Variants in CDKAL1 observed in about 807,000 individuals in gnomAD.
The protein encoded by CDKAL1 is CDKAL1 threonylcarbamoyladenosine tRNA methylthiotransferase, also known as threonylcarbamoyladenosine tRNA methylthiotransferase.
Under a neutral mutation model 68.2 loss-of-function variants are expected in CDKAL1, and 32 were observed. That is an observed-to-expected ratio of 0.47 (90% CI 0.35 to 0.63). CDKAL1 has a LOEUF of 0.63. Ranked by LOEUF, CDKAL1 falls within the 30% of genes least tolerant of loss-of-function variation. The probability of loss-of-function intolerance (pLI) is 0.00; values close to 1 mark genes in which losing one functional copy is unlikely to be tolerated. For missense variants in CDKAL1, 606 were observed against 696.7 expected (o/e 0.87, Z 1.47); for synonymous variants, 234 against 244.3 (o/e 0.96, Z 0.39).
At chr6:20,756,911 CCTTCCT>C (rs1774229075) in intron 6 of CDKAL1, 1 of 126,490 alleles carries the variant, frequency 7.9e-6, no homozygotes, top group African/African-American at 3.3e-5. Context: ...TTCCTTCCTT[CCTTCCT>C]TCCTTCCCTC....
intron 13 of CDKAL1, among the ~76,000 whole-genome samples, chr6:21,127,681 C>T (rs1039430105): frequency 6.6e-5 from 10 of 152,032 alleles, no homozygotes; most frequent in Non-Finnish European, 1.3e-4. Context: ...ACCTGGAAGG[C>T]GGAGGTTGCA....
chr6:21,224,875 C>G (rs114043250), intron 15 of CDKAL1, among the ~76,000 whole-genome samples: 46 of 152,298 alleles, frequency 3.0e-4, no homozygotes, highest in African/African-American at 1.1e-3. Flanking sequence ...TGATGTATGA[C>G]TCCTTGTCCC....
intron 4 of CDKAL1, among the ~76,000 whole-genome samples, chr6:20,601,150 A>G (rs1268639894): frequency 6.6e-6 from 1 of 152,110 alleles, no homozygotes; most frequent in East Asian, 1.9e-4. Context: ...AATCAGTGTT[A>G]TTGACGAATG....
intron 4 of CDKAL1, among the ~76,000 whole-genome samples, chr6:20,568,084 G>A (rs1386252017): frequency 6.6e-6 from 1 of 152,014 alleles, no homozygotes. Flanking sequence ...TCACCGTGGT[G>A]GCCAGGATGG....
At chr6:20,844,995 GT>G in intron 8 of CDKAL1, among the ~76,000 whole-genome samples, 1 of 152,254 alleles carries the variant, frequency 6.6e-6, no homozygotes, top group East Asian at 1.9e-4. Context: ...AGTTAAACAC[GT>G]TTTAAAATGT....
chr6:20,912,432 C>G (rs773806247), intron 9 of CDKAL1, among the ~76,000 whole-genome samples: 40 of 152,072 alleles, frequency 2.6e-4, no homozygotes, highest in African/African-American at 8.7e-4. Context: ...GTTGGTCAGG[C>G]CTTCAGTTCC....
intron 8 of CDKAL1, among the ~76,000 whole-genome samples, chr6:20,797,760 C>CTTTAT (rs140101518): frequency 0.1 from 12,435 of 119,296 alleles, 894 homozygotes; most frequent in African/African-American, 0.11. Flanking sequence ...TGATTGATTG[C>CTTTAT]TTTATTTTAT....
chr6:20,754,411 C>T (rs947489832), intron 6 of CDKAL1, among the ~76,000 whole-genome samples: 3 of 152,158 alleles, frequency 2.0e-5, no homozygotes, highest in African/African-American at 4.8e-5. Flanking sequence ...ATGTGGAGTA[C>T]ATTTACATTG....
At chr6:20,860,179 G>A (rs971915802) in intron 9 of CDKAL1, among the ~76,000 whole-genome samples, 1 of 152,142 alleles carries the variant, frequency 6.6e-6, no homozygotes, top group African/African-American at 2.4e-5. Context: ...CCGGGTTCAA[G>A]CTATTCTCCT....
intron 10 of CDKAL1, among the ~76,000 whole-genome samples, chr6:20,962,167 G>A (rs968094213): frequency 2.6e-4 from 39 of 152,238 alleles, no homozygotes; most frequent in African/African-American, 7.2e-4. Flanking sequence ...GTAAAATATT[G>A]CCAAACAACA....
chr6:20,825,696 C>T (rs1000259161), intron 8 of CDKAL1, among the ~76,000 whole-genome samples: 14 of 152,224 alleles, frequency 9.2e-5, no homozygotes, highest in South Asian at 2.1e-4. Flanking sequence ...GCTGTATTTA[C>T]TGTAAATACT....
intron 8 of CDKAL1, among the ~76,000 whole-genome samples, chr6:20,829,378 C>A (rs1383364148): frequency 6.6e-6 from 1 of 152,158 alleles, no homozygotes; most frequent in Non-Finnish European, 1.5e-5. Flanking sequence ...TTTCATTAAA[C>A]CTCAGAGTGA....
intron 5 of CDKAL1, among the ~76,000 whole-genome samples, chr6:20,711,502 T>G (rs895167297): frequency 6.6e-6 from 1 of 152,178 alleles, no homozygotes; most frequent in African/African-American, 2.4e-5. Flanking sequence ...AATGATAATA[T>G]GGATGCTGGA....
At chr6:21,189,259 T>C (rs1778141036) in intron 13 of CDKAL1, among the ~76,000 whole-genome samples, 1 of 152,200 alleles carries the variant, frequency 6.6e-6, no homozygotes, top group Non-Finnish European at 1.5e-5. Context: ...AGAATAACTT[T>C]TGAAAAGCCA....
chr6:20,725,187 T>C (rs1772586035), intron 5 of CDKAL1, among the ~76,000 whole-genome samples: 1 of 151,420 alleles, frequency 6.6e-6, no homozygotes, highest in African/African-American at 2.4e-5. Flanking sequence ...ACTTCTACAG[T>C]GTTGGTGTGA....
At chr6:20,896,330 C>G (rs9465930) in intron 9 of CDKAL1, among the ~76,000 whole-genome samples, 10,094 of 152,040 alleles carry the variant, frequency 0.066, 375 homozygotes, top group Middle Eastern at 0.078. Flanking sequence ...GATCTCTTGA[C>G]CTCATGATCC....
intron 4 of CDKAL1, among the ~76,000 whole-genome samples, chr6:20,628,516 T>A (rs1767530486): frequency 6.6e-6 from 1 of 152,184 alleles, no homozygotes; most frequent in Admixed American, 6.5e-5. Flanking sequence ...TTAACATAAT[T>A]ACATGTGACT....
chr6:20,554,610 T>C (rs916104702), intron 4 of CDKAL1, among the ~76,000 whole-genome samples: 9 of 152,238 alleles, frequency 5.9e-5, no homozygotes, highest in African/African-American at 2.2e-4. Flanking sequence ...TAAAGAGTTC[T>C]GAAAGAGTAG....
chr6:20,674,356 A>G (rs1475145399), intron 5 of CDKAL1, among the ~76,000 whole-genome samples: 1 of 152,212 alleles, frequency 6.6e-6, no homozygotes, highest in Non-Finnish European at 1.5e-5. Flanking sequence ...TACGTCCCCC[A>G]TTAAGTAAGA....
Sources: allele counts gnomAD v4.1 joint callset (sites outside exome capture counted in the v4.1 genomes callset), GRCh38; gene constraint gnomAD v4.1.1; transcripts MANE v1.5; gene names NCBI Gene and HGNC (gene_info 2026-07-23, HGNC 2026-07-21).